Variants in SECISBP2L observed in about 807,000 individuals in gnomAD.
SECISBP2L encodes SECIS binding protein 2 like.
Under a neutral mutation model 114.7 loss-of-function variants are expected in SECISBP2L, and 43 were observed. That is an observed-to-expected ratio of 0.38 (90% confidence interval 0.29 to 0.48). The LOEUF is 0.48. SECISBP2L is among the 20% of genes least tolerant of loss of function. The probability of loss-of-function intolerance (pLI) is 0.98; values close to 1 mark genes in which losing one functional copy is unlikely to be tolerated. For missense variants in SECISBP2L, 1,136 were observed against 1,301.1 expected, an observed-to-expected ratio of 0.87 and a Z score of 1.95; for synonymous variants, 451 against 439.7, an observed-to-expected ratio of 1.03 and a Z score of -0.32.
At chr15:49,004,512 A>C (rs1902276353) in intron 14 of SECISBP2L, among the ~76,000 whole-genome samples, 1 of 151,968 alleles carries the variant, frequency 6.6e-6, no homozygotes, top group African/African-American at 2.4e-5. Context: ...AGTTCTTTTA[A>C]TTGTGATGTA....
intron 1 of SECISBP2L, 49 bp downstream of exon 1, chr15:49,046,227 G>C (rs1379680076): frequency 6.4e-7 from 1 of 1,564,234 alleles, no homozygotes; most frequent in Non-Finnish European, 8.6e-7. Context: ...CTGTGAGGAA[G>C]CGGCGACCCC....
chr15:49,040,315 A>G (rs557719909), intron 1 of SECISBP2L, among the ~76,000 whole-genome samples: 10 of 152,110 alleles, frequency 6.6e-5, no homozygotes, highest in Non-Finnish European at 1.2e-4. Context: ...GCACACACAC[A>G]AAAGAGAGAG....
rs1566866080 is a variant in SECISBP2L, at chr15:49,046,385, G to A, written c.-86C>T. 2 of 1,354,970 alleles carry A rather than the reference G, an allele frequency of 1.5e-6. No homozygotes were observed. The highest frequency in any genetic ancestry group is 3.5e-5 in the Admixed American group (1 of 28,888). The allele number at this position is 1,354,970 out of a possible 1,614,324, so 83.9% of individuals were successfully genotyped here. On this transcript the variant is annotated 5_prime_UTR_variant, in exon 1 of 18. Transcript: ENST00000559471. Reference sequence around the variant, plus strand: ...CTCCATGGCCCCCCGCTCGGGTCCAGACTGGGTTCCGGACCTCCGCCCCTA... The same window carrying A: ...CTCCATGGCCCCCCGCTCGGGTCCAAACTGGGTTCCGGACCTCCGCCCCTA...
In SECISBP2L at chr15:49,046,352, G is replaced by A. The variant is rs959832971; in HGVS notation, c.-53C>T. 2.8e-6 allele frequency: 4 copies of A among 1,445,194 alleles called. No individual in the cohort carries two copies. The African/African-American group carries it at 5.9e-5, about 21-fold the overall frequency. The allele number at this position is 1,445,194 out of a possible 1,614,324, so 89.5% of individuals were successfully genotyped here. On this transcript the variant is annotated 5_prime_UTR_variant, in exon 1 of 18. Coordinates refer to ENST00000559471, the MANE Select transcript of SECISBP2L (RefSeq NM_001193489.2). ...CTAGTCGGTGTAAACAGCGCCTCGG[G>A]CCGCTTTCTCCATGGCCCCCCGCTC... is the stretch of plus-strand genomic sequence containing the variant.
intron 1 of SECISBP2L, among the ~76,000 whole-genome samples, chr15:49,039,825 A>G (rs1903087500): frequency 6.6e-6 from 1 of 152,012 alleles, no homozygotes; most frequent in African/African-American, 2.4e-5. Flanking sequence ...CCTGGCCAGG[A>G]TTTCTTTTAA....
chr15:49,031,725 A>G (rs1902893011), intron 4 of SECISBP2L, among the ~76,000 whole-genome samples: 1 of 152,234 alleles, frequency 6.6e-6, no homozygotes, highest in Non-Finnish European at 1.5e-5. Flanking sequence ...AATAGGATGT[A>G]TAATATATAA....
At position 48,992,183 on chromosome 15, in the gene SECISBP2L, C is replaced by T; in HGVS notation, c.*61G>A. On this transcript the variant is annotated 3_prime_UTR_variant, in exon 18 of 18. Coordinates refer to ENST00000559471, the MANE Select transcript of SECISBP2L (RefSeq NM_001193489.2). Reference sequence around the variant, plus strand: ...GACAGTGCAAAATGTTGAGATGAAGCATAAAAGGTAATGGCTGCAACCCTT... The same window carrying T: ...GACAGTGCAAAATGTTGAGATGAAGTATAAAAGGTAATGGCTGCAACCCTT... 6.9e-7 allele frequency: 1 copy of T among 1,459,364 alleles called. No individual in the cohort carries two copies. The highest frequency in any genetic ancestry group is 9.3e-7 in the Non-Finnish European group (1 of 1,077,316). The allele number at this position is 1,459,364 out of a possible 1,614,324, so 90.4% of individuals were successfully genotyped here. A position where few individuals can be genotyped will look rare whatever the true frequency, so the allele number is the denominator to read the frequency against.
chr15:48,999,733 C>T, intron 16 of SECISBP2L, 100 bp downstream of exon 16: 1 of 1,322,400 alleles, frequency 7.6e-7, no homozygotes, highest in African/African-American at 1.5e-5. Flanking sequence ...CAACTCACTC[C>T]TTCAAATGCT....
Position 48,988,666 on chromosome 15 carries a change from C to G in SECISBP2L, c.*3578G>C, listed in dbSNP as rs1192268030. The G allele has an allele frequency of 1.5e-5, 7 of 455,452 alleles. No individual in the cohort carries two copies. In the East Asian group the frequency reaches 4.9e-4, roughly 32 times the overall value. The allele number at this position is 455,452 out of a possible 1,614,324, so 28.2% of individuals were successfully genotyped here. A position where few individuals can be genotyped will look rare whatever the true frequency, so the allele number is the denominator to read the frequency against. ...CATTTCAATAATCATTTTATTAGTA[C>G]AGAAGAATCCCCACTAGTATTTACA... On this transcript the variant is annotated 3_prime_UTR_variant, in exon 18 of 18. Coordinates refer to ENST00000559471, the MANE Select transcript of SECISBP2L (RefSeq NM_001193489.2).
intron 14 of SECISBP2L, among the ~76,000 whole-genome samples, chr15:49,007,198 C>G (rs1046541418): frequency 1.3e-5 from 2 of 152,198 alleles, no homozygotes; most frequent in South Asian, 2.1e-4. Context: ...CCACCAAATG[C>G]CAGTGGAGCT....
chr15:49,022,614 C>A (rs1052799962), intron 7 of SECISBP2L, among the ~76,000 whole-genome samples: 2 of 151,914 alleles, frequency 1.3e-5, no homozygotes, highest in African/African-American at 4.8e-5. Flanking sequence ...AAAAAAGATT[C>A]AAAAATAGGA....
chr15:49,028,701 T>C lies in SECISBP2L; in HGVS notation c.665-19A>G. 1 of 1,589,618 alleles carries C rather than the reference T, an allele frequency of 6.3e-7. No individual in the cohort carries two copies. Among genetic ancestry groups the C allele is most frequent in the Non-Finnish European group, 8.6e-7 (1 of 1,158,472 alleles). On this transcript the variant is annotated intron_variant, in intron 4 of 17. Transcript: ENST00000559471. ...GGGAAATCTACAAAGGCAAGGAAAG[T>C]TTGACAATTCTTTGTGATGAACAAA...
At chr15:48,996,838 A>G (rs1902102450) in intron 16 of SECISBP2L, among the ~76,000 whole-genome samples, 1 of 152,262 alleles carries the variant, frequency 6.6e-6, no homozygotes, top group East Asian at 1.9e-4. Context: ...TGATATATTA[A>G]AAGTTCTTAC....
chr15:49,041,347 A>G (rs999851841), intron 1 of SECISBP2L, among the ~76,000 whole-genome samples: 3 of 152,232 alleles, frequency 2.0e-5, no homozygotes, highest in African/African-American at 7.2e-5. Flanking sequence ...GCAAATGTCT[A>G]TAAACAAAAT....
intron 5 of SECISBP2L, 82 bp downstream of exon 5, chr15:49,028,371 G>C (rs1311530840): frequency 1.5e-6 from 2 of 1,317,324 alleles, no homozygotes; most frequent in Admixed American, 3.8e-5. Flanking sequence ...AATGAAAACA[G>C]ATACTTAAGC....
intron 7 of SECISBP2L, among the ~76,000 whole-genome samples, chr15:49,021,459 T>A (rs769423102): frequency 2.0e-5 from 3 of 152,148 alleles, no homozygotes; most frequent in Non-Finnish European, 2.9e-5. Flanking sequence ...TAACAGTAAA[T>A]GCCTCTCTTA....
intron 7 of SECISBP2L, among the ~76,000 whole-genome samples, chr15:49,023,666 C>T (rs1202652102): frequency 6.6e-6 from 1 of 152,152 alleles, no homozygotes; most frequent in Non-Finnish European, 1.5e-5. Context: ...AGATTATATC[C>T]ACACAATATT....
chr15:49,037,776 A>C lies in SECISBP2L; in HGVS notation c.25-7T>G, dbSNP rs760575089. 6.3e-7 allele frequency: 1 copy of C among 1,591,542 alleles called. No homozygotes were observed. The highest frequency in any genetic ancestry group is 1.1e-5 in the South Asian group (1 of 87,280). ...CAGCTGACAGCTTGACATTCTTCAA[A>C]GAGAAAGTAGAATACATTAATAACA... On this transcript the variant is annotated splice_region_variant and splice_polypyrimidine_tract_variant and intron_variant, in intron 1 of 17. Transcript: ENST00000559471.
In SECISBP2L at chr15:49,009,247, T is replaced by C. The variant is rs1007914953; in HGVS notation, c.1996A>G (p.Ile666Val). The change falls in exon 14 of 18, where the codon ATA becomes GTA. Residue 666 changes from isoleucine to valine, a missense_variant. Ile to Val is a conservative substitution (Grantham distance 29, BLOSUM62 3). Coordinates refer to ENST00000559471, the MANE Select transcript of SECISBP2L (RefSeq NM_001193489.2). ...AATCTTTTGCTGTGGATTTTGGTTA[T>C]TGTTGAAGATGCCATTGGACTGCCT... The part of the protein sequence containing the change: ...GIGSPMASST[I>V]TKIHSKRFRE... The C allele has an allele frequency of 1.2e-6, 2 of 1,614,008 alleles. No homozygotes were observed. Among genetic ancestry groups the C allele is most frequent in the African/African-American group, 1.3e-5 (1 of 74,910 alleles).
Sources: gnomAD v4.1 joint callset for allele counts (sites outside exome capture counted in the v4.1 genomes callset) on GRCh38, gnomAD v4.1.1 for gene constraint, MANE v1.5 for transcripts, NCBI Gene and HGNC (gene_info 2026-07-23, HGNC 2026-07-21) for gene names.